ANKRD17: variants seen among roughly 807,000 people sequenced by gnomAD.
The protein encoded by ANKRD17 is ankyrin repeat domain-containing protein 17.
ANKRD17 carries 19 observed loss-of-function variants against 229.7 expected under a neutral mutation model. The observed-to-expected ratio is 0.08, with a 90% confidence interval of 0.06 to 0.12. The LOEUF (loss-of-function observed/expected upper bound fraction) is 0.12, where lower values mean the gene tolerates loss of function less well. ANKRD17 is among the 10% of genes least tolerant of loss of function. ANKRD17 has a pLI of 1.00. For missense variants in ANKRD17, 2,176 were observed against 3,176.8 expected, an observed-to-expected ratio of 0.68 and a Z score of 7.57; for synonymous variants, 1,112 against 1,146.1, an observed-to-expected ratio of 0.97 and a Z score of 0.60.
chr4:73,209,859 A>G (rs1373896522), intron 1 of ANKRD17, among the ~76,000 whole-genome samples: 1 of 152,206 alleles, frequency 6.6e-6, no homozygotes, highest in Non-Finnish European at 1.5e-5. Flanking sequence ...ACCTAAAAAG[A>G]TGCAGATTAA....
intron 18 of ANKRD17, among the ~76,000 whole-genome samples, chr4:73,124,008 C>A (rs1727102378): frequency 6.7e-6 from 1 of 149,376 alleles, no homozygotes; most frequent in Admixed American, 6.7e-5. Context: ...TAGGTGACTT[C>A]AGGAAAAAAA....
chr4:73,144,866 A>T (rs1293931594), intron 10 of ANKRD17, 34 bp from the exon 11 acceptor site: 2 of 1,427,940 alleles, frequency 1.4e-6, no homozygotes, highest in Non-Finnish European at 9.6e-7. Flanking sequence ...CTTGACATTT[A>T]ATTGCCAGTG....
chr4:73,234,834 A>G (rs569972688), intron 1 of ANKRD17, among the ~76,000 whole-genome samples: 11 of 152,326 alleles, frequency 7.2e-5, no homozygotes, highest in South Asian at 2.1e-4. Flanking sequence ...AAAGGGTAGG[A>G]GGGAAGCCCA....
At chr4:73,109,194 G>A (rs1404976210) in intron 24 of ANKRD17, among the ~76,000 whole-genome samples, 1 of 152,134 alleles carries the variant, frequency 6.6e-6, no homozygotes, top group African/African-American at 2.4e-5. Flanking sequence ...CAGCTACTTG[G>A]GAGGGTGAAG....
At chr4:73,090,537 T>C (rs1722694122) in intron 29 of ANKRD17, 130 bp downstream of exon 29, 9 of 1,142,670 alleles carry the variant, frequency 7.9e-6, no homozygotes, top group Non-Finnish European at 1.1e-5. Flanking sequence ...AACAACAGCA[T>C]CTGAGTTAAC....
chr4:73,094,242 G>A lies in ANKRD17; in HGVS notation c.5178-14C>T. The stretch of plus-strand genomic sequence containing the variant: ...ACTTTCTTTGACCTGTTTAAAAGTT[G>A]TATATATAAATTAAGATTAGTCATT... On this transcript the variant is annotated splice_polypyrimidine_tract_variant and intron_variant, in intron 27 of 33. Coordinates refer to ENST00000358602, the MANE Select transcript of ANKRD17 (RefSeq NM_032217.5). 1 of 1,603,612 alleles carries A rather than the reference G, an allele frequency of 6.2e-7. No homozygotes were observed. Among genetic ancestry groups the A allele is most frequent in the Non-Finnish European group, 8.5e-7 (1 of 1,172,530 alleles).
chr4:73,186,088 A>G (rs1403255243), intron 1 of ANKRD17, among the ~76,000 whole-genome samples: 1 of 152,074 alleles, frequency 6.6e-6, no homozygotes, highest in Non-Finnish European at 1.5e-5. Context: ...AGAAGTATTC[A>G]TAATTGTAAA....
At chr4:73,256,434 G>GC (rs1216389963) in intron 1 of ANKRD17, among the ~76,000 whole-genome samples, 1 of 152,138 alleles carries the variant, frequency 6.6e-6, no homozygotes, top group Non-Finnish European at 1.5e-5. Context: ...GCCTATAGCT[G>GC]CATGATTGTG....
intron 24 of ANKRD17, among the ~76,000 whole-genome samples, chr4:73,105,210 A>C (rs1354618638): frequency 6.6e-6 from 1 of 152,144 alleles, no homozygotes; most frequent in Non-Finnish European, 1.5e-5. Flanking sequence ...AGAATTAGCA[A>C]GTGTGGATCA....
At chr4:73,166,296 A>G (rs546451482) in intron 2 of ANKRD17, among the ~76,000 whole-genome samples, 1 of 152,330 alleles carries the variant, frequency 6.6e-6, no homozygotes, top group East Asian at 1.9e-4. Context: ...ATAATGCCAA[A>G]ATTATAAAGC....
chr4:73,093,397 G>A (rs1037517641), intron 28 of ANKRD17, among the ~76,000 whole-genome samples: 2 of 23,222 alleles, frequency 8.6e-5, no homozygotes, highest in African/African-American at 1.8e-4. Flanking sequence ...TTTTTTTTTT[G>A]AGGGAGTTTC....
rs1388084648 is a variant in ANKRD17 at position 73,156,078 on chromosome 4, C to G, written c.793G>C (p.Glu265Gln). Residue 265 changes from glutamate (E) to glutamine (Q), a missense_variant, in exon 4 of 34, where the codon GAG (glutamate) becomes CAG (glutamine). By Grantham distance (29) the Glu-to-Gln change is conservative. This residue lies in a region of ANKRD17 where 184 missense variants were observed against 357.8 expected (regional missense o/e 0.51). Coordinates refer to ENST00000358602, the MANE Select transcript of ANKRD17 (RefSeq NM_032217.5). Reference protein sequence around the residue: ...IEGRSVNEHTEEGESLLCLAC... With the variant: ...IEGRSVNEHTQEGESLLCLAC... The stretch of plus-strand genomic sequence containing the variant: ...AAACAAAGGAGGCTCTCCCCTTCCT[C>G]TGTGTGTTCATTTACACTTCGCCCT... 5 of 1,613,624 alleles carry G rather than the reference C, an allele frequency of 3.1e-6. No individual in the cohort carries two copies. The highest frequency in any genetic ancestry group is 4.2e-6 in the Non-Finnish European group (5 of 1,179,940).
At chr4:73,190,874 A>G (rs1736982469) in intron 1 of ANKRD17, among the ~76,000 whole-genome samples, 1 of 152,122 alleles carries the variant, frequency 6.6e-6, no homozygotes, top group African/African-American at 2.4e-5. Context: ...AAACTGTAAA[A>G]CTTTACTAAA....
chr4:73,085,131 G>C (rs1295001595), intron 30 of ANKRD17, 118 bp downstream of exon 30: 19 of 1,122,986 alleles, frequency 1.7e-5, no homozygotes, highest in Non-Finnish European at 2.4e-5. Flanking sequence ...TGAAATTCCA[G>C]ACTTCTAAGA....
At chr4:73,085,754 T>C (rs1433528361) in intron 29 of ANKRD17, among the ~76,000 whole-genome samples, 1 of 151,294 alleles carries the variant, frequency 6.6e-6, no homozygotes. Flanking sequence ...GAATCTCACT[T>C]TGGGGGGCCA....
chr4:73,172,228 C>T (rs1305052618), intron 2 of ANKRD17, among the ~76,000 whole-genome samples: 1 of 152,182 alleles, frequency 6.6e-6, no homozygotes, highest in African/African-American at 2.4e-5. Flanking sequence ...TAGCAGCAGA[C>T]TTTTCAGTGG....
intron 15 of ANKRD17, among the ~76,000 whole-genome samples, chr4:73,135,805 T>C (rs997786474): frequency 1.3e-5 from 2 of 152,194 alleles, no homozygotes; most frequent in African/African-American, 4.8e-5. Context: ...TTCTGCATTG[T>C]AGCCCTCTGG....
At chr4:73,144,521 G>A (rs1192238189) in intron 11 of ANKRD17, among the ~76,000 whole-genome samples, 7 of 151,970 alleles carry the variant, frequency 4.6e-5, no homozygotes, top group South Asian at 4.1e-4. Context: ...TCCTTTATAC[G>A]TTTCACAACA....
chr4:73,125,372 C>T, intron 16 of ANKRD17, 60 bp from the exon 17 acceptor site: 1 of 1,130,478 alleles, frequency 8.8e-7, no homozygotes, highest in South Asian at 1.4e-5. Flanking sequence ...ATATCAAATA[C>T]ATAATATGCA....
Sources: allele counts gnomAD v4.1 joint callset (sites outside exome capture counted in the v4.1 genomes callset), GRCh38; gene constraint gnomAD v4.1.1; regional missense constraint gnomAD v4.1.1; transcripts MANE v1.5; gene names NCBI Gene and HGNC (gene_info 2026-07-23, HGNC 2026-07-21).